Variants in CDH4 observed in about 807,000 individuals in gnomAD.
The protein encoded by CDH4 is cadherin 4, also known as cadherin-4.
In CDH4, 33 loss-of-function variants were observed where a neutral mutation model predicts 86.0. That is an observed-to-expected ratio of 0.38 (90% CI 0.29 to 0.51). CDH4 has a LOEUF of 0.51. Ranked by LOEUF, CDH4 falls within the 20% of genes least tolerant of loss-of-function variation. CDH4 has a pLI of 0.86. For missense variants in CDH4, 1,114 were observed against 1,307.4 expected (o/e 0.85, Z 2.28); for synonymous variants, 555 against 549.4 (o/e 1.01, Z -0.14).
chr20:61,255,595 C>A (rs2084094024), intron 2 of CDH4, among the ~76,000 whole-genome samples: 1 of 152,248 alleles, frequency 6.6e-6, no homozygotes, highest in Non-Finnish European at 1.5e-5. Flanking sequence ...AGCACCTTGG[C>A]TGTGAGCCTT....
intron 2 of CDH4, among the ~76,000 whole-genome samples, chr20:61,294,665 C>A (rs935579403): frequency 2.0e-5 from 3 of 152,222 alleles, no homozygotes; most frequent in Non-Finnish European, 2.9e-5. Context: ...ACACGCAGGG[C>A]CCCTGTCGCC....
rs568422836 is a variant in CDH4 at position 61,377,183 on chromosome 20, G to A, written c.169+122246G>A. 1.2e-4 allele frequency among the ~76,000 whole-genome samples: 19 copies of A among 152,258 alleles called. No homozygotes were observed. Among genetic ancestry groups the A allele is most frequent in the Non-Finnish European group, 2.4e-4 (16 of 68,024 alleles). On this transcript the variant is annotated intron_variant, in intron 2 of 15. Transcript: ENST00000614565. The surrounding 1 kb of genome is among the most constrained non-coding windows in gnomAD (Gnocchi z 4.0). ...GCTCGGCAATTATTGAAGAGTTGGC[G>A]GCTCAATCTAAAACGGAGGAGCCTT...
At chr20:61,464,299 G>T (rs1192033002) in intron 2 of CDH4, among the ~76,000 whole-genome samples, 1 of 152,170 alleles carries the variant, frequency 6.6e-6, no homozygotes, top group Non-Finnish European at 1.5e-5. Context: ...TCCAGGTACA[G>T]TTATTATGGA....
intron 4 of CDH4, among the ~76,000 whole-genome samples, chr20:61,804,478 G>C (rs548099091): frequency 2.0e-5 from 3 of 152,160 alleles, no homozygotes; most frequent in Non-Finnish European, 4.4e-5. Flanking sequence ...AGCCACACCC[G>C]GGGGGCAGCT....
intron 7 of CDH4, among the ~76,000 whole-genome samples, chr20:61,877,030 C>A (rs535683937): frequency 1.3e-5 from 2 of 152,184 alleles, no homozygotes; most frequent in Non-Finnish European, 2.9e-5. Context: ...ACGGAGCCCA[C>A]GACCCCCTGG....
At chr20:61,585,789 G>A (rs187245995) in intron 2 of CDH4, among the ~76,000 whole-genome samples, 349 of 125,286 alleles carry the variant, frequency 2.8e-3, no homozygotes, top group Middle Eastern at 0.019. Context: ...GATTGTGATG[G>A]TGATGGTGAT....
chr20:61,488,987 A>G (rs530424085), intron 2 of CDH4, among the ~76,000 whole-genome samples: 1 of 152,302 alleles, frequency 6.6e-6, no homozygotes, highest in African/African-American at 2.4e-5. Context: ...GAAAAATAAT[A>G]TATTCCATTA....
At chr20:61,624,239 C>T (rs1210768545) in intron 2 of CDH4, among the ~76,000 whole-genome samples, 4 of 152,232 alleles carry the variant, frequency 2.6e-5, no homozygotes, top group Non-Finnish European at 5.9e-5. Context: ...CGGGAAGATA[C>T]TAGCAGTCGC....
At chr20:61,775,714 G>C (rs1048802519) in intron 4 of CDH4, among the ~76,000 whole-genome samples, 1 of 152,210 alleles carries the variant, frequency 6.6e-6, no homozygotes, top group African/African-American at 2.4e-5. Flanking sequence ...TGAGTGAGCA[G>C]TGAATTTGAG....
chr20:61,405,204 C>T (rs187191578), intron 2 of CDH4, among the ~76,000 whole-genome samples: 1 of 151,880 alleles, frequency 6.6e-6, no homozygotes, highest in African/African-American at 2.4e-5. Flanking sequence ...GGATGCGCTG[C>T]GTATCTGTGT....
intron 4 of CDH4, among the ~76,000 whole-genome samples, chr20:61,789,434 G>A (rs1979047381): frequency 6.6e-6 from 1 of 152,188 alleles, no homozygotes; most frequent in African/African-American, 2.4e-5. Flanking sequence ...AAAGGGGAGG[G>A]GGGCGGTGCC....
intron 2 of CDH4, among the ~76,000 whole-genome samples, chr20:61,257,499 G>A (rs1026432792): frequency 4.6e-5 from 7 of 152,184 alleles, no homozygotes; most frequent in South Asian, 2.1e-4. Context: ...GCTGCTGATC[G>A]GAGCCTTCCG....
intron 2 of CDH4, among the ~76,000 whole-genome samples, chr20:61,647,983 G>A (rs866060559): frequency 2.0e-5 from 3 of 152,118 alleles, no homozygotes; most frequent in African/African-American, 2.4e-5. Context: ...CAGGTTGGCC[G>A]GCAGGAACCC....
chr20:61,590,882 G>GGC (rs1568700994), intron 2 of CDH4, among the ~76,000 whole-genome samples: 3 of 152,084 alleles, frequency 2.0e-5, no homozygotes, highest in Non-Finnish European at 4.4e-5. Context: ...TCTATGGGGG[G>GGC]GGGGGTCCCC....
chr20:61,265,129 T>C, intron 2 of CDH4, among the ~76,000 whole-genome samples: 1 of 145,760 alleles, frequency 6.9e-6, no homozygotes, highest in African/African-American at 2.6e-5. Context: ...AGTGGCTCCT[T>C]CATTCAGTCC....
chr20:61,552,936 G>A (rs1005644997), intron 2 of CDH4, among the ~76,000 whole-genome samples: 2 of 152,106 alleles, frequency 1.3e-5, no homozygotes, highest in African/African-American at 4.8e-5. Flanking sequence ...ACCCAGAAAT[G>A]TGACTCCTAG....
intron 7 of CDH4, among the ~76,000 whole-genome samples, chr20:61,874,995 G>A (rs534176792): frequency 6.6e-6 from 1 of 152,318 alleles, no homozygotes; most frequent in Non-Finnish European, 1.5e-5. Flanking sequence ...AGCTCTGGGT[G>A]TGCGGGGACC....
intron 2 of CDH4, among the ~76,000 whole-genome samples, chr20:61,731,402 T>C (rs1310941202): frequency 6.6e-6 from 1 of 152,160 alleles, no homozygotes; most frequent in East Asian, 1.9e-4. Flanking sequence ...ATGAGATCCC[T>C]GCCACCCCAC....
intron 2 of CDH4, among the ~76,000 whole-genome samples, chr20:61,364,404 C>T (rs2084800035): frequency 6.6e-6 from 1 of 152,214 alleles, no homozygotes; most frequent in Admixed American, 6.5e-5. Context: ...TGAATGTTCA[C>T]AGCACTGCAT....
Sources: allele counts gnomAD v4.1 joint callset (sites outside exome capture counted in the v4.1 genomes callset), GRCh38; gene constraint gnomAD v4.1.1; non-coding constraint Gnocchi (gnomAD v3.1); transcripts MANE v1.5; gene names NCBI Gene and HGNC (gene_info 2026-07-23, HGNC 2026-07-21).